The following HSF2BP variants were observed in gnomAD, a reference collection of about 807,000 sequenced individuals.
HSF2BP encodes heat shock factor 2-binding protein.
A neutral mutation model predicts 35.0 loss-of-function variants in HSF2BP; 35 were observed. The ratio of observed to expected loss-of-function variants is 1.00; its 90% confidence interval spans 0.76 to 1.32. The LOEUF (loss-of-function observed/expected upper bound fraction) is 1.32. HSF2BP is among the 40% of genes most tolerant of loss of function. HSF2BP has a pLI of 0.00. For synonymous variants in HSF2BP, 114 were observed against 117.4 expected (o/e 0.97, Z 0.18); for missense variants, 326 against 321.7 (o/e 1.01, Z -0.10).
At chr21:43,643,057 A>C (rs2082660682) in intron 4 of HSF2BP, among the ~76,000 whole-genome samples, 1 of 152,080 alleles carries the variant, frequency 6.6e-6, no homozygotes, top group African/African-American at 2.4e-5. Context: ...CCAGGCCCCA[A>C]ATTTTATAAA....
At chr21:43,609,664 G>A (rs1192038304) in intron 7 of HSF2BP, among the ~76,000 whole-genome samples, 2 of 152,030 alleles carry the variant, frequency 1.3e-5, no homozygotes, top group Non-Finnish European at 2.9e-5. Flanking sequence ...CTCAAGGGTG[G>A]GCGTTAGTGA....
intron 7 of HSF2BP, among the ~76,000 whole-genome samples, chr21:43,594,039 G>C (rs1046494631): frequency 6.6e-6 from 1 of 152,128 alleles, no homozygotes; most frequent in Non-Finnish European, 1.5e-5. Context: ...AGCAGCCAGA[G>C]AGAAAGGACA....
intron 7 of HSF2BP, among the ~76,000 whole-genome samples, chr21:43,606,261 G>A (rs956793809): frequency 2.6e-5 from 4 of 152,196 alleles, no homozygotes; most frequent in South Asian, 2.1e-4. Context: ...ACGAGAGTCC[G>A]TGCACACAAG....
At position 43,613,900 on chromosome 21, in the gene HSF2BP, G is replaced by A. The variant is rs755666850; in HGVS notation, c.622C>T (p.Arg208Trp). ...TGCAATATGGTGTCCAAGAGCACCC[G>A]GCTTGAATTAACCAAGAATTCACGA... The part of the protein sequence containing the change: ...CGREFLVNSS[R>W]VLLDTILQLL... The change falls in exon 7 of 9, where the codon CGG (arginine) becomes TGG (tryptophan). Residue 208 changes from arginine (R) to tryptophan (W), a missense_variant. Physicochemically the swap from Arg to Trp is moderately radical, Grantham distance 101. Transcript: ENST00000291560. The A allele has an allele frequency of 9.3e-6, 15 of 1,610,592 alleles. No homozygotes were observed. The East Asian group carries it at 1.8e-4, about 19-fold the overall frequency.
chr21:43,619,100 G>A (rs547543238), intron 6 of HSF2BP, among the ~76,000 whole-genome samples: 5 of 152,126 alleles, frequency 3.3e-5, no homozygotes, highest in South Asian at 2.1e-4. Flanking sequence ...GGCCTGCACC[G>A]CCACACCCAG....
At chr21:43,636,695 C>A (rs1269017869) in intron 4 of HSF2BP, among the ~76,000 whole-genome samples, 3 of 151,894 alleles carry the variant, frequency 2.0e-5, no homozygotes, top group East Asian at 3.9e-4. Flanking sequence ...AGTTTAGGAC[C>A]AGTCTGGCCA....
At chr21:43,616,205 G>A (rs1243932205) in intron 6 of HSF2BP, among the ~76,000 whole-genome samples, 2 of 152,144 alleles carry the variant, frequency 1.3e-5, no homozygotes, top group Non-Finnish European at 1.5e-5. Flanking sequence ...GCAGCAGAAT[G>A]CACACCATGA....
chr21:43,634,389 T>G (rs1441662737), intron 4 of HSF2BP, among the ~76,000 whole-genome samples: 1 of 152,230 alleles, frequency 6.6e-6, no homozygotes, highest in Non-Finnish European at 1.5e-5. Flanking sequence ...GGTGATAGCA[T>G]TTCCTGATTT....
chr21:43,650,686 A>G, intron 3 of HSF2BP, among the ~76,000 whole-genome samples: 1 of 142,986 alleles, frequency 7.0e-6, no homozygotes, highest in South Asian at 2.3e-4. Flanking sequence ...AGGTTCCTAT[A>G]GTGTTTTCAG....
chr21:43,641,283 G>A (rs1047478249), intron 4 of HSF2BP, among the ~76,000 whole-genome samples: 4 of 152,104 alleles, frequency 2.6e-5, no homozygotes, highest in African/African-American at 9.7e-5. Context: ...ACAGGCGTGA[G>A]CCACCGCGCC....
intron 8 of HSF2BP, among the ~76,000 whole-genome samples, chr21:43,581,318 A>G (rs2081727709): frequency 6.6e-6 from 1 of 151,940 alleles, no homozygotes; most frequent in African/African-American, 2.4e-5. Context: ...CCTGGGAGGC[A>G]GGGCTTGCAG....
At chr21:43,644,265 A>G in intron 4 of HSF2BP, 24 bp downstream of exon 4, 1 of 1,582,850 alleles carries the variant, frequency 6.3e-7, no homozygotes, top group Non-Finnish European at 8.7e-7. Flanking sequence ...TGGCTTGGTG[A>G]GAGTCTGTCC....
At chr21:43,577,091 A>G (rs2081653552) in intron 8 of HSF2BP, among the ~76,000 whole-genome samples, 2 of 152,184 alleles carry the variant, frequency 1.3e-5, no homozygotes, top group African/African-American at 4.8e-5. Context: ...GCTGACATGC[A>G]GGTTGGCACT....
chr21:43,582,060 G>A (rs1437955723), intron 8 of HSF2BP, among the ~76,000 whole-genome samples: 1 of 129,072 alleles, frequency 7.7e-6, no homozygotes. Flanking sequence ...GGGGATGAGG[G>A]CCTGCTGTGG....
intron 6 of HSF2BP, among the ~76,000 whole-genome samples, chr21:43,622,491 T>C (rs974261505): frequency 5.9e-5 from 9 of 152,040 alleles, no homozygotes; most frequent in African/African-American, 1.7e-4. Flanking sequence ...AAGATATCTA[T>C]GCAACTGGAA....
At chr21:43,639,760 C>T (rs2082611662) in intron 4 of HSF2BP, among the ~76,000 whole-genome samples, 1 of 152,114 alleles carries the variant, frequency 6.6e-6, no homozygotes, top group Non-Finnish European at 1.5e-5. Flanking sequence ...ACTTACCATA[C>T]AACCCAGTAA....
intron 7 of HSF2BP, among the ~76,000 whole-genome samples, chr21:43,594,766 G>A (rs988867990): frequency 5.3e-5 from 8 of 151,670 alleles, no homozygotes; most frequent in Admixed American, 5.3e-4. Context: ...AGAGAGGTAG[G>A]GAGGGAAAGA....
At chr21:43,620,693 T>TC (rs1340175441) in intron 6 of HSF2BP, among the ~76,000 whole-genome samples, 3 of 151,842 alleles carry the variant, frequency 2.0e-5, no homozygotes, top group African/African-American at 7.3e-5. Context: ...AGATCCCATC[T>TC]CTAAAAAATC....
intron 8 of HSF2BP, among the ~76,000 whole-genome samples, chr21:43,586,913 T>C (rs2081858456): frequency 6.6e-6 from 1 of 152,082 alleles, no homozygotes; most frequent in South Asian, 2.1e-4. Context: ...CAATTCTCCT[T>C]TTCCTCGATC....
Sources: allele counts gnomAD v4.1 joint callset (sites outside exome capture counted in the v4.1 genomes callset), GRCh38; gene constraint gnomAD v4.1.1; transcripts MANE v1.5; gene names NCBI Gene and HGNC (gene_info 2026-07-23, HGNC 2026-07-21).